ZNF704: variants seen among roughly 807,000 people sequenced by gnomAD.
ZNF704 encodes the protein zinc finger protein 704, also known as glucocorticoid induced gene 1.
ZNF704 carries 10 observed loss-of-function variants against 44.7 expected under a neutral mutation model. The observed-to-expected ratio is 0.22, with a 90% CI of 0.14 to 0.38. The LOEUF (loss-of-function observed/expected upper bound fraction) is 0.38. ZNF704 is among the 10% of genes least tolerant of loss of function. ZNF704 has a pLI of 1.00. For missense variants in ZNF704, 390 were observed against 545.5 expected, an observed-to-expected ratio of 0.71 and a Z score of 2.84; for synonymous variants, 211 against 207.6, an observed-to-expected ratio of 1.02 and a Z score of -0.14.
intron 1 of ZNF704, among the ~76,000 whole-genome samples, chr8:80,866,372 G>A (rs1420301517): frequency 6.6e-6 from 1 of 152,174 alleles, no homozygotes; most frequent in Admixed American, 6.5e-5. Context: ...GTGTACAGCA[G>A]GAACCTGGTA....
chr8:80,790,714 G>A (rs1807689964), intron 2 of ZNF704, among the ~76,000 whole-genome samples: 1 of 152,136 alleles, frequency 6.6e-6, no homozygotes, highest in Admixed American at 6.6e-5. Flanking sequence ...CACACAGATT[G>A]AGTGGAGCCA....
chr8:80,859,794 T>C (rs1809027745), intron 1 of ZNF704, among the ~76,000 whole-genome samples: 2 of 152,116 alleles, frequency 1.3e-5, no homozygotes, highest in South Asian at 2.1e-4. Flanking sequence ...TGATTGGAAA[T>C]GAGCCTGAAC....
intron 2 of ZNF704, among the ~76,000 whole-genome samples, chr8:80,799,157 A>G (rs537450077): frequency 7.2e-5 from 11 of 152,254 alleles, no homozygotes; most frequent in Non-Finnish European, 1.3e-4. Context: ...AAGTTTCAAC[A>G]TGAATTTTGA....
At chr8:80,825,626 C>CT (rs1180755096) in intron 1 of ZNF704, among the ~76,000 whole-genome samples, 1 of 152,178 alleles carries the variant, frequency 6.6e-6, no homozygotes, top group Non-Finnish European at 1.5e-5. Context: ...AATATACACT[C>CT]TTCTCAGCAC....
chr8:80,779,170 GTC>G (rs1439679001), intron 2 of ZNF704, among the ~76,000 whole-genome samples: 1 of 132,888 alleles, frequency 7.5e-6, no homozygotes, highest in African/African-American at 2.8e-5. Flanking sequence ...TCTCCCATTT[GTC>G]TCTTTTTATC....
chr8:80,748,536 C>G (rs931043297), intron 2 of ZNF704, among the ~76,000 whole-genome samples: 2 of 152,168 alleles, frequency 1.3e-5, no homozygotes, highest in Admixed American at 1.3e-4. Flanking sequence ...TCCCCCTAGG[C>G]CCAAACCAAC....
chr8:80,742,752 C>T (rs1314503620), intron 2 of ZNF704, among the ~76,000 whole-genome samples: 1 of 152,030 alleles, frequency 6.6e-6, no homozygotes, highest in Non-Finnish European at 1.5e-5. Flanking sequence ...GGCACCCCTC[C>T]CAAGGACCCC....
chr8:80,816,953 G>A (rs190271511), intron 2 of ZNF704, among the ~76,000 whole-genome samples: 8 of 152,234 alleles, frequency 5.3e-5, no homozygotes, highest in African/African-American at 1.9e-4. Flanking sequence ...AGTAAAGATT[G>A]TTCCTACCAA....
intron 1 of ZNF704, among the ~76,000 whole-genome samples, chr8:80,840,396 T>C (rs1008225633): frequency 1.3e-5 from 2 of 152,160 alleles, no homozygotes; most frequent in Non-Finnish European, 2.9e-5. Context: ...CCCAAGACAA[T>C]TCTTTTTCCA....
chr8:80,764,564 G>C (rs1377183919), intron 2 of ZNF704, among the ~76,000 whole-genome samples: 1 of 152,138 alleles, frequency 6.6e-6, no homozygotes, highest in African/African-American at 2.4e-5. Flanking sequence ...TATAGCAGGG[G>C]AGATTTTTTG....
intron 2 of ZNF704, among the ~76,000 whole-genome samples, chr8:80,720,205 T>A (rs1460399471): frequency 6.6e-6 from 1 of 152,190 alleles, no homozygotes. Context: ...CATCTGAGGT[T>A]GACAAGCTCC....
chr8:80,851,685 T>C (rs1215336177), intron 1 of ZNF704, among the ~76,000 whole-genome samples: 1 of 152,044 alleles, frequency 6.6e-6, no homozygotes, highest in Admixed American at 6.5e-5. Flanking sequence ...GTAACAAACC[T>C]GCACGTTGTG....
At position 80,763,810 on chromosome 8, in the gene ZNF704, C is replaced by T. The variant is rs150023842; in HGVS notation, c.221+57564G>A. 1.3e-3 allele frequency among the ~76,000 whole-genome samples: 198 copies of T among 152,296 alleles called. 2 individuals are homozygous for T. Among genetic ancestry groups the T allele is most frequent in the African/African-American group, 4.0e-3 (165 of 41,578 alleles). On this transcript the variant is annotated intron_variant, in intron 2 of 8. Transcript: ENST00000327835. ...GATCTGTCACCTCTTGAATGCTTTG[C>T]TGCTCAGAAATTTCTTCCACCAGAT... is the stretch of plus-strand genomic sequence containing the variant.
intron 2 of ZNF704, among the ~76,000 whole-genome samples, chr8:80,794,545 T>C (rs541696992): frequency 2.6e-5 from 4 of 152,184 alleles, no homozygotes; most frequent in East Asian, 1.9e-4. Flanking sequence ...AGATATCACA[T>C]TGAAAGAAAC....
chr8:80,754,875 T>A (rs769702453), intron 2 of ZNF704, among the ~76,000 whole-genome samples: 1 of 152,222 alleles, frequency 6.6e-6, no homozygotes, highest in Non-Finnish European at 1.5e-5. Context: ...CAGAAATATA[T>A]TAAAGACTTC....
chr8:80,746,022 G>C (rs1393750588), intron 2 of ZNF704, among the ~76,000 whole-genome samples: 1 of 152,162 alleles, frequency 6.6e-6, no homozygotes, highest in Non-Finnish European at 1.5e-5. Context: ...TGATTGTTGT[G>C]AAGATTGTAA....
chr8:80,809,868 T>C (rs1014073351), intron 2 of ZNF704, among the ~76,000 whole-genome samples: 1 of 152,182 alleles, frequency 6.6e-6, no homozygotes, highest in Non-Finnish European at 1.5e-5. Context: ...CTACTTTCTT[T>C]TGTATTACTC....
At chr8:80,858,764 T>C (rs1809010021) in intron 1 of ZNF704, among the ~76,000 whole-genome samples, 1 of 152,216 alleles carries the variant, frequency 6.6e-6, no homozygotes, top group Non-Finnish European at 1.5e-5. Context: ...GTGAATTTTC[T>C]AGTTAAATTT....
rs934214438 is a variant in ZNF704, at chr8:80,633,771, A to C, written c.*7595T>G. ...ATCTTATTACATACGTGAAAGGGTC[A>C]GTGACTATCCCAACACCATCAGGAC... On this transcript the variant is annotated 3_prime_UTR_variant, in exon 9 of 9. Transcript: ENST00000327835. The C allele has an allele frequency of 6.6e-5, 10 of 152,250 alleles. No individual in the cohort carries two copies. Among genetic ancestry groups the C allele is most frequent in the Admixed American group, 1.3e-4 (2 of 15,288 alleles). The allele number at this position is 152,250 out of a possible 1,614,324, so 9.4% of individuals were successfully genotyped here. A position where few individuals can be genotyped will look rare whatever the true frequency, so the allele number is the denominator to read the frequency against.
Sources: gnomAD v4.1 joint callset for allele counts (sites outside exome capture counted in the v4.1 genomes callset) on GRCh38, gnomAD v4.1.1 for gene constraint, MANE v1.5 for transcripts, NCBI Gene and HGNC (gene_info 2026-07-23, HGNC 2026-07-21) for gene names.